Variants in CLASP1 observed in about 807,000 individuals in gnomAD.
The protein encoded by CLASP1 is cytoplasmic linker associated protein 1.
In CLASP1, 38 loss-of-function variants were observed where a neutral mutation model predicts 192.3. The observed-to-expected ratio is 0.20, with a 90% CI of 0.15 to 0.26. The LOEUF is 0.26. CLASP1 is among the 10% of genes least tolerant of loss of function. The pLI is 1.00. For missense variants in CLASP1, 1,433 were observed against 1,932.5 expected, an observed-to-expected ratio of 0.74 and a Z score of 4.85; for synonymous variants, 691 against 712.8, an observed-to-expected ratio of 0.97 and a Z score of 0.49.
chr2:121,343,443 A>G (rs972250488), intron 39 of CLASP1, among the ~76,000 whole-genome samples: 1 of 150,944 alleles, frequency 6.6e-6, no homozygotes, highest in East Asian at 2.0e-4. Context: ...AGATGAGCAG[A>G]TAAACAAACC....
chr2:121,540,843 A>T (rs1324169441), intron 2 of CLASP1, among the ~76,000 whole-genome samples: 1 of 152,080 alleles, frequency 6.6e-6, no homozygotes, highest in Admixed American at 6.5e-5. Flanking sequence ...AGATAATAAA[A>T]CTAAAAAGAA....
intron 1 of CLASP1, among the ~76,000 whole-genome samples, chr2:121,642,193 G>T (rs920446970): frequency 6.6e-6 from 1 of 151,930 alleles, no homozygotes; most frequent in Admixed American, 6.6e-5. Context: ...TGAGGCAGGA[G>T]GATTGCTTGA....
At chr2:121,455,711 T>C (rs1041085383) in intron 14 of CLASP1, among the ~76,000 whole-genome samples, 1 of 152,076 alleles carries the variant, frequency 6.6e-6, no homozygotes, top group East Asian at 1.9e-4. Flanking sequence ...AATTTAAAAC[T>C]TAGCTGGGGG....
chr2:121,467,899 C>T (rs1339500096), intron 9 of CLASP1, among the ~76,000 whole-genome samples: 1 of 152,038 alleles, frequency 6.6e-6, no homozygotes, highest in African/African-American at 2.4e-5. Flanking sequence ...CCTAGATTTC[C>T]TTCTAGGGTT....
At chr2:121,636,468 A>G (rs1034106552) in intron 1 of CLASP1, among the ~76,000 whole-genome samples, 1 of 151,544 alleles carries the variant, frequency 6.6e-6, no homozygotes, top group African/African-American at 2.4e-5. Context: ...GTTCGACACC[A>G]GACTGACCAA....
chr2:121,464,002 C>A (rs1217306707), intron 9 of CLASP1, among the ~76,000 whole-genome samples: 1 of 115,600 alleles, frequency 8.7e-6, no homozygotes, highest in Non-Finnish European at 1.7e-5. Flanking sequence ...CCCCTCCCCC[C>A]ACCCCACAAC....
intron 37 of CLASP1, among the ~76,000 whole-genome samples, chr2:121,353,992 T>C (rs1223963338): frequency 6.6e-6 from 1 of 152,274 alleles, no homozygotes; most frequent in South Asian, 2.1e-4. Context: ...GGGGTCTCGC[T>C]ATGTTACCCA....
At chr2:121,478,675 C>A (rs770034241) in intron 8 of CLASP1, among the ~76,000 whole-genome samples, 21 of 88,476 alleles carry the variant, frequency 2.4e-4, no homozygotes, top group Admixed American at 3.4e-4. Context: ...CCACACACAC[C>A]ACACACACAC....
rs76041851 is a variant in CLASP1, at chr2:121,577,208, C to T, written c.195+28493G>A. Among the ~76,000 whole-genome samples, 1,356 of 151,124 alleles carry T rather than the reference C, an allele frequency of 9.0e-3. 14 individuals are homozygous for T. The highest frequency in any genetic ancestry group is 0.02 in the Middle Eastern group (6 of 294). ...GAGGTTCATTGTTTCATTTTCTTTACTCTTACGTATCTTTAAAAAAAAAAA... is the reference window on the plus strand; with the variant it reads ...GAGGTTCATTGTTTCATTTTCTTTATTCTTACGTATCTTTAAAAAAAAAAA... On this transcript the variant is annotated intron_variant, in intron 2 of 39. Transcript: ENST00000263710.
intron 38 of CLASP1, among the ~76,000 whole-genome samples, chr2:121,347,737 A>T (rs931399983): frequency 2.6e-5 from 4 of 151,998 alleles, no homozygotes; most frequent in Admixed American, 1.3e-4. Context: ...TGTTCTCCAA[A>T]CAGCCTGGGA....
At chr2:121,550,568 A>G (rs2057943494) in intron 2 of CLASP1, among the ~76,000 whole-genome samples, 1 of 152,148 alleles carries the variant, frequency 6.6e-6, no homozygotes, top group South Asian at 2.1e-4. Context: ...AAATGTTACT[A>G]CTGACCCCAT....
intron 2 of CLASP1, among the ~76,000 whole-genome samples, chr2:121,549,823 G>A (rs1021671885): frequency 2.0e-5 from 3 of 151,576 alleles, no homozygotes; most frequent in Non-Finnish European, 4.4e-5. Context: ...GGCTAACATG[G>A]TGAAACCCCG....
At chr2:121,530,353 T>TA in intron 2 of CLASP1, 28 bp from the exon 3 acceptor site, 1 of 1,532,806 alleles carries the variant, frequency 6.5e-7, no homozygotes, top group Non-Finnish European at 8.8e-7. Context: ...GGGAGCCTGT[T>TA]AGCAGCCGGC....
intron 2 of CLASP1, among the ~76,000 whole-genome samples, chr2:121,556,815 A>G (rs1370624109): frequency 6.6e-6 from 1 of 152,204 alleles, no homozygotes; most frequent in African/African-American, 2.4e-5. Context: ...AACTTCTGAC[A>G]TGCATCTCCC....
At position 121,384,005 on chromosome 2, in the gene CLASP1, TATACACACACACAC is replaced by T. The variant is rs1356540703; in HGVS notation, c.3375-1695_3375-1682del. 7.0e-3 allele frequency among the ~76,000 whole-genome samples: 961 copies of T among 137,944 alleles called. 5 individuals carry two copies. Among genetic ancestry groups the T allele is most frequent in the African/African-American group, 0.024 (889 of 36,688 alleles). The allele number at this position is 137,944 out of a possible 152,430, so 90.5% of individuals were successfully genotyped here. A position where few individuals can be genotyped will look rare whatever the true frequency, so the allele number is the denominator to read the frequency against. On this transcript the variant is annotated intron_variant, in intron 32 of 39. Transcript: ENST00000263710. Reference sequence around the variant, plus strand: ...CTCACTGGTGAGATATATATATATATATACACACACACACACACACACACACATATATATGTATA... The same window carrying T: ...CTCACTGGTGAGATATATATATATATACACACACACACATATATATGTATA...
chr2:121,343,297 C>T (rs7558845), intron 39 of CLASP1, among the ~76,000 whole-genome samples: 31,617 of 152,078 alleles, frequency 0.21, 6,273 homozygotes, highest in African/African-American at 0.52. Flanking sequence ...TTGGTCAGAA[C>T]GTAAAATGGT....
chr2:121,347,041 G>T (rs867909676), exon 39 of CLASP1: 1 of 1,559,298 alleles, frequency 6.4e-7, no homozygotes, highest in Non-Finnish European at 8.7e-7. Flanking sequence ...TACATACCTT[G>T]CTCCCTGTGA....
At chr2:121,377,636 C>T in exon 34 of CLASP1, 1 of 1,573,348 alleles carries the variant, frequency 6.4e-7, no homozygotes, top group African/African-American at 1.4e-5. Flanking sequence ...TTCTCTGTAT[C>T]ATAGTCCAGC....
intron 28 of CLASP1, among the ~76,000 whole-genome samples, 191 bp from the exon 30 acceptor site, chr2:121,398,591 T>C (rs1421316554): frequency 6.6e-6 from 1 of 152,202 alleles, no homozygotes; most frequent in East Asian, 1.9e-4. Flanking sequence ...GGAAGATCTT[T>C]TTGCAAGTCC....
Sources: gnomAD v4.1 joint callset for allele counts (sites outside exome capture counted in the v4.1 genomes callset) on GRCh38, gnomAD v4.1.1 for gene constraint, MANE v1.5 for transcripts, NCBI Gene and HGNC (gene_info 2026-07-23, HGNC 2026-07-21) for gene names.